PTPRE: variants seen among roughly 807,000 people sequenced by gnomAD.
The protein encoded by PTPRE is protein tyrosine phosphatase receptor type E, also known as receptor-type tyrosine-protein phosphatase epsilon.
PTPRE carries 51 observed loss-of-function variants against 102.0 expected under a neutral mutation model. That is an observed-to-expected ratio of 0.50 (90% CI 0.40 to 0.63). The LOEUF (loss-of-function observed/expected upper bound fraction) is 0.63. Ranked by LOEUF, PTPRE falls within the 30% of genes least tolerant of loss-of-function variation. The pLI is 0.00. For synonymous variants in PTPRE, 345 were observed against 348.2 expected, an observed-to-expected ratio of 0.99 and a Z score of 0.10; for missense variants, 752 against 915.1, an observed-to-expected ratio of 0.82 and a Z score of 2.30.
At chr10:128,022,280 A>G (rs893977882) in intron 2 of PTPRE, among the ~76,000 whole-genome samples, 1 of 152,188 alleles carries the variant, frequency 6.6e-6, no homozygotes, top group Non-Finnish European at 1.5e-5. Context: ...CCACTCAGAC[A>G]GGACCTGAGA....
At chr10:127,962,996 C>T (rs939531682) in intron 1 of PTPRE, among the ~76,000 whole-genome samples, 1 of 152,170 alleles carries the variant, frequency 6.6e-6, no homozygotes. Context: ...AGGTGGAAAC[C>T]TGGGTCTATA....
chr10:127,950,290 G>A (rs1285412569), intron 1 of PTPRE, among the ~76,000 whole-genome samples: 1 of 152,160 alleles, frequency 6.6e-6, no homozygotes, highest in African/African-American at 2.4e-5. Context: ...AGTTAATGCT[G>A]CAGCGCAGGG....
chr10:127,955,322 A>ATACC (rs1478803794), intron 1 of PTPRE, among the ~76,000 whole-genome samples: 1 of 151,968 alleles, frequency 6.6e-6, no homozygotes, highest in African/African-American at 2.4e-5. Flanking sequence ...ACATACATAC[A>ATACC]TATATACATA....
rs1316581407 is a variant in PTPRE at position 128,028,812 on chromosome 10, T to C, written c.-7-12063T>C. The stretch of plus-strand genomic sequence containing the variant: ...TGGGATGCGACCCAGTCCCCACCCA[T>C]GGCCACTCACTTCCACCCTGCCCCG... On this transcript the variant is annotated intron_variant, in intron 2 of 20. Coordinates refer to ENST00000254667, the MANE Select transcript of PTPRE (RefSeq NM_006504.6). This position sits in a 1 kb window ranked among gnomAD's most constrained non-coding sequence, Gnocchi z 4.5. 2.0e-5 allele frequency among the ~76,000 whole-genome samples: 3 copies of C among 152,098 alleles called. No homozygotes were observed. Among genetic ancestry groups the C allele is most frequent in the East Asian group, 1.9e-4 (1 of 5,172 alleles).
At chr10:128,035,748 G>C (rs773496906) in intron 2 of PTPRE, among the ~76,000 whole-genome samples, 14 of 152,216 alleles carry the variant, frequency 9.2e-5, no homozygotes, top group Non-Finnish European at 1.9e-4. Context: ...GGGCACTTTC[G>C]GGTTTGGTAG....
At chr10:127,987,197 G>A (rs1027857154) in intron 2 of PTPRE, 1 of 489,982 alleles carries the variant, frequency 2.0e-6, no homozygotes, top group African/African-American at 2.0e-5. Context: ...GCAAAGGCAT[G>A]GGCGTTAATC....
At chr10:128,044,983 G>A (rs11016035) in intron 3 of PTPRE, among the ~76,000 whole-genome samples, 20,123 of 152,298 alleles carry the variant, frequency 0.13, 1,647 homozygotes, top group East Asian at 0.25. Flanking sequence ...CTTGGCCCCA[G>A]TGGGCTGGAA....
intron 6 of PTPRE, among the ~76,000 whole-genome samples, chr10:128,054,809 A>C (rs1341921633): frequency 6.6e-6 from 1 of 152,070 alleles, no homozygotes; most frequent in African/African-American, 2.4e-5. Flanking sequence ...ATTGTGAGCA[A>C]GCCCAGGCCT....
intron 1 of PTPRE, among the ~76,000 whole-genome samples, chr10:127,927,073 G>A (rs1338650787): frequency 1.3e-5 from 2 of 151,954 alleles, no homozygotes; most frequent in Non-Finnish European, 2.9e-5. Flanking sequence ...GCCTCCCAAA[G>A]TCCTAGGATT....
chr10:127,916,491 A>G (rs1846216904), intron 1 of PTPRE, among the ~76,000 whole-genome samples: 1 of 152,176 alleles, frequency 6.6e-6, no homozygotes, highest in Non-Finnish European at 1.5e-5. Flanking sequence ...TCCTTTATAA[A>G]TTACCCAGTC....
intron 3 of PTPRE, among the ~76,000 whole-genome samples, chr10:128,044,009 A>C (rs763696538): frequency 6.6e-6 from 1 of 152,238 alleles, no homozygotes; most frequent in South Asian, 2.1e-4. Context: ...TAAAATAACG[A>C]TACTTTTTAC....
At chr10:127,950,849 C>A (rs973026008) in intron 1 of PTPRE, among the ~76,000 whole-genome samples, 1 of 152,084 alleles carries the variant, frequency 6.6e-6, no homozygotes, top group African/African-American at 2.4e-5. Context: ...GTAGTCCCAG[C>A]ACTTTGGGAG....
intron 1 of PTPRE, among the ~76,000 whole-genome samples, chr10:127,927,241 C>T (rs762993172): frequency 1.2e-4 from 19 of 152,142 alleles, no homozygotes; most frequent in Non-Finnish European, 1.8e-4. Flanking sequence ...GCATGTTGAA[C>T]AGTAGCGTAT....
chr10:128,022,563 G>A (rs11819514), intron 2 of PTPRE, among the ~76,000 whole-genome samples: 4,559 of 152,258 alleles, frequency 0.03, 221 homozygotes, highest in African/African-American at 0.1. Flanking sequence ...CCCTCCCACA[G>A]TTTCACTGGT....
chr10:128,080,456 CAGGAGCG>C (rs1339155645), intron 20 of PTPRE, among the ~76,000 whole-genome samples: 1 of 152,236 alleles, frequency 6.6e-6, no homozygotes. Context: ...CAAGGCGCAG[CAGGAGCG>C]AGGACACCTG....
chr10:128,047,701 G>T (rs201882541), intron 4 of PTPRE, 63 bp from the exon 5 acceptor site: 1 of 1,614,076 alleles, frequency 6.2e-7, no homozygotes, highest in East Asian at 2.2e-5. Context: ...TCACTGTGCC[G>T]AGCGCTGTTG....
chr10:128,043,050 C>A (rs1380607714), intron 3 of PTPRE, among the ~76,000 whole-genome samples: 1 of 152,122 alleles, frequency 6.6e-6, no homozygotes, highest in Non-Finnish European at 1.5e-5. Context: ...GAGAAACTGG[C>A]TCCATCGCAC....
chr10:127,938,819 A>G lies in PTPRE; in HGVS notation c.-31+31510A>G, dbSNP rs1452531806. Among the ~76,000 whole-genome samples, 4 of 152,292 alleles carry G rather than the reference A, an allele frequency of 2.6e-5. No homozygotes were observed. The East Asian group carries it at 5.8e-4, about 22-fold the overall frequency. ...CTTTCTTAGAGTAGAGATTGCCAGC[A>G]GGCAATATCTTCATCCTCAGGACCC... On this transcript the variant is annotated intron_variant, in intron 1 of 20. Transcript: ENST00000254667.
chr10:127,995,817 A>G (rs943491707), intron 2 of PTPRE, among the ~76,000 whole-genome samples: 2 of 120,394 alleles, frequency 1.7e-5, no homozygotes, highest in African/African-American at 7.6e-5. Flanking sequence ...TACCAACTCT[A>G]CACGAGCACA....
Sources: allele counts gnomAD v4.1 joint callset (sites outside exome capture counted in the v4.1 genomes callset), GRCh38; gene constraint gnomAD v4.1.1; non-coding constraint Gnocchi (gnomAD v3.1); transcripts MANE v1.5; gene names NCBI Gene and HGNC (gene_info 2026-07-23, HGNC 2026-07-21).